MARCHF6: variants seen among roughly 807,000 people sequenced by gnomAD.
The protein encoded by MARCHF6 is E3 ubiquitin-protein ligase MARCHF6.
A neutral mutation model predicts 133.7 loss-of-function variants in MARCHF6; 31 were observed. That is an observed-to-expected ratio of 0.23 (90% CI 0.17 to 0.31). MARCHF6 has a LOEUF of 0.31. MARCHF6 is among the 10% of genes least tolerant of loss of function. The pLI is 1.00. For synonymous variants in MARCHF6, 395 were observed against 402.5 expected (o/e 0.98, Z 0.22); for missense variants, 723 against 1,121.6 (o/e 0.64, Z 5.08).
At chr5:10,371,048 G>A (rs1210539098) in intron 1 of MARCHF6, among the ~76,000 whole-genome samples, 1 of 152,174 alleles carries the variant, frequency 6.6e-6, no homozygotes, top group Non-Finnish European at 1.5e-5. Context: ...TTGGAATTGG[G>A]AGCTAGTTTT....
chr5:10,402,244 G>C (rs1738585272), intron 12 of MARCHF6, 105 bp downstream of exon 12: 2 of 1,089,862 alleles, frequency 1.8e-6, no homozygotes, highest in Non-Finnish European at 2.8e-6. Context: ...AGTAAAAGTT[G>C]TAGGTATTTG....
chr5:10,353,902 G>A lies in MARCHF6; in HGVS notation c.4G>A (p.Asp2Asn). Reference protein sequence around the residue: MDTAEEDICRVC... With the variant: MNTAEEDICRVC... ...CACCGCCGCCCCCCCAGACAAGATGGACACCGCGGAGGAAGGTAAGTCGGC... is the reference window on the plus strand; with the variant it reads ...CACCGCCGCCCCCCCAGACAAGATGAACACCGCGGAGGAAGGTAAGTCGGC... Residue 2 changes from aspartate (D) to asparagine (N), a missense_variant, in exon 1 of 26, where the codon GAC becomes AAC. Physicochemically the swap from Asp to Asn is conservative, Grantham distance 23. Transcript: ENST00000274140. The A allele has an allele frequency of 3.8e-6, 6 of 1,564,938 alleles. No individual in the cohort carries two copies. The highest frequency in any genetic ancestry group is 5.2e-6 in the Non-Finnish European group (6 of 1,159,934).
At chr5:10,422,580 T>C (rs1374101335) in intron 22 of MARCHF6, among the ~76,000 whole-genome samples, 2 of 152,162 alleles carry the variant, frequency 1.3e-5, no homozygotes, top group Non-Finnish European at 2.9e-5. Context: ...AAGCTTCCTC[T>C]ACCCAGACAA....
intron 15 of MARCHF6, among the ~76,000 whole-genome samples, chr5:10,405,196 A>C (rs557495708): frequency 2.0e-5 from 3 of 152,298 alleles, no homozygotes; most frequent in East Asian, 3.9e-4. Flanking sequence ...GGGGAAGGCA[A>C]ATCAGACCGT....
At chr5:10,427,350 G>T (rs928193697) in intron 24 of MARCHF6, among the ~76,000 whole-genome samples, 1 of 152,166 alleles carries the variant, frequency 6.6e-6, no homozygotes, top group Non-Finnish European at 1.5e-5. Context: ...GAATCTCATT[G>T]TACCTCTTTG....
intron 4 of MARCHF6, among the ~76,000 whole-genome samples, chr5:10,383,981 C>T (rs1737316652): frequency 6.6e-6 from 1 of 152,148 alleles, no homozygotes; most frequent in Admixed American, 6.5e-5. Flanking sequence ...AGACTTATAA[C>T]TACCCAGAAC....
At chr5:10,381,715 G>T in intron 3 of MARCHF6, 85 bp from the exon 4 acceptor site, 1 of 1,061,514 alleles carries the variant, frequency 9.4e-7, no homozygotes. Context: ...AATATTGGAA[G>T]TTTAGTTAAT....
chr5:10,393,624 C>T (rs1738007398), intron 7 of MARCHF6, among the ~76,000 whole-genome samples: 1 of 152,130 alleles, frequency 6.6e-6, no homozygotes, highest in East Asian at 1.9e-4. Flanking sequence ...GTTCATATTA[C>T]TCTGCTGCCT....
intron 1 of MARCHF6, among the ~76,000 whole-genome samples, chr5:10,360,510 G>A (rs905777393): frequency 6.6e-6 from 1 of 152,170 alleles, no homozygotes; most frequent in Non-Finnish European, 1.5e-5. Flanking sequence ...GTATATGGAA[G>A]GATGTGCATA....
chr5:10,394,096 A>G lies in MARCHF6; in HGVS notation c.781A>G (p.Asn261Asp). The stretch of plus-strand genomic sequence containing the variant: ...TATATTTTCAGATGACATGAATTGG[A>G]ATGCTTTAGAATGGGACCGAGCTGC... ...NNGAQDDMNW[N>D]ALEWDRAAEE... The change falls in exon 8 of 26, where the codon AAT becomes GAT. Residue 261 changes from asparagine to aspartate, a missense_variant. Transcript: ENST00000274140. The G allele has an allele frequency of 6.5e-7, 1 of 1,549,004 alleles. No individual in the cohort carries two copies. The highest frequency in any genetic ancestry group is 1.3e-5 in the South Asian group (1 of 76,412).
At chr5:10,424,949 A>G (rs1319324478) in intron 23 of MARCHF6, among the ~76,000 whole-genome samples, 1 of 152,250 alleles carries the variant, frequency 6.6e-6, no homozygotes, top group East Asian at 1.9e-4. Flanking sequence ...GAAAATTTCT[A>G]TCCAAAATGG....
intron 1 of MARCHF6, among the ~76,000 whole-genome samples, chr5:10,356,022 T>C (rs1268839422): frequency 6.6e-6 from 1 of 152,198 alleles, no homozygotes; most frequent in African/African-American, 2.4e-5. Context: ...CATGCCTGCT[T>C]TTGCAAAATT....
intron 9 of MARCHF6, 77 bp from the exon 10 acceptor site, chr5:10,397,216 T>G: frequency 9.3e-7 from 1 of 1,074,600 alleles, no homozygotes; most frequent in Non-Finnish European, 1.3e-6. Context: ...TGGCTCTAGC[T>G]AAATAAGTGG....
In MARCHF6 at chr5:10,397,352, G is replaced by A; in HGVS notation, c.913+8G>A. 2 of 1,560,810 alleles carry A rather than the reference G, an allele frequency of 1.3e-6. No individual in the cohort carries two copies. Among genetic ancestry groups the A allele is most frequent in the South Asian group, 1.2e-5 (1 of 82,256 alleles). On this transcript the variant is annotated splice_region_variant and intron_variant, in intron 10 of 25. Transcript: ENST00000274140. ...TGTTCATTCTTGTTTTTGGTAAGTTGTGTTTGTGCTTTTTTTTTTTATAGT... is the reference window on the plus strand; with the variant it reads ...TGTTCATTCTTGTTTTTGGTAAGTTATGTTTGTGCTTTTTTTTTTTATAGT...
chr5:10,418,958 A>G (rs941744799), intron 22 of MARCHF6, among the ~76,000 whole-genome samples: 5 of 152,206 alleles, frequency 3.3e-5, no homozygotes, highest in African/African-American at 1.2e-4. Context: ...ATCTAAGCCA[A>G]CCTAACTAGT....
Position 10,410,261 on chromosome 5 carries a change from C to T in MARCHF6, c.1676C>T (p.Thr559Ile), listed in dbSNP as rs372660548. 4.4e-5 allele frequency: 71 copies of T among 1,612,748 alleles called. No individual in the cohort carries two copies. The highest frequency in any genetic ancestry group is 5.9e-5 in the Non-Finnish European group (70 of 1,179,956). ...GGGCTGGTGCGAGCGTGGACTGTGA[C>T]CGCCGGATACTTGCTGTGAGTATGG... ...LKGLVRAWTV[T>I]AGYLLDLHSY... is the part of the protein sequence containing the mutation. The change falls in exon 18 of 26, where the codon ACC becomes ATC. Residue 559 changes from threonine (T) to isoleucine (I), a missense_variant. This residue lies in a region of MARCHF6 where 492 missense variants were observed against 699.5 expected (regional missense o/e 0.70). Coordinates refer to ENST00000274140, the MANE Select transcript of MARCHF6 (RefSeq NM_005885.4).
At chr5:10,410,049 T>G in intron 17 of MARCHF6, 90 bp from the exon 18 acceptor site, 1 of 1,319,456 alleles carries the variant, frequency 7.6e-7, no homozygotes, top group Non-Finnish European at 1.1e-6. Flanking sequence ...ACAGTAAGTT[T>G]ATTAGATTCT....
chr5:10,354,481 G>C (rs1164914480), intron 1 of MARCHF6, among the ~76,000 whole-genome samples: 1 of 152,280 alleles, frequency 6.6e-6, no homozygotes, highest in African/African-American at 2.4e-5. Flanking sequence ...AAACGGGGAG[G>C]CTCTTTTGTT....
chr5:10,388,447 G>A (rs972686496), intron 5 of MARCHF6, among the ~76,000 whole-genome samples: 2 of 152,104 alleles, frequency 1.3e-5, no homozygotes, highest in African/African-American at 2.4e-5. Context: ...ATGTCTAGGT[G>A]CACTGTATCA....
Sources: gnomAD v4.1 joint callset for allele counts (sites outside exome capture counted in the v4.1 genomes callset) on GRCh38, gnomAD v4.1.1 for gene constraint, gnomAD v4.1.1 regional missense constraint, MANE v1.5 for transcripts, NCBI Gene and HGNC (gene_info 2026-07-23, HGNC 2026-07-21) for gene names.